Variants in AFTPH observed in about 807,000 individuals in gnomAD.
AFTPH encodes the protein aftiphilin, also known as aftiphilin protein.
AFTPH carries 7 observed loss-of-function variants against 72.5 expected under a neutral mutation model. That is an observed-to-expected ratio of 0.10 (90% CI 0.05 to 0.18). AFTPH has a LOEUF of 0.18. AFTPH is among the 10% of genes least tolerant of loss of function. The pLI, the probability that AFTPH is intolerant of heterozygous loss-of-function variation, is 1.00. For synonymous variants in AFTPH, 337 were observed against 370.1 expected (o/e 0.91, Z 1.03); for missense variants, 979 against 1,060.5 (o/e 0.92, Z 1.07).
chr2:64,549,338 T>G (rs983462688), intron 1 of AFTPH, among the ~76,000 whole-genome samples: 25 of 93,740 alleles, frequency 2.7e-4, no homozygotes, highest in Admixed American at 9.9e-4. Context: ...TTTTTTTTTT[T>G]GAAACCGAGT....
exon 4 of AFTPH, chr2:64,569,113 T>G: frequency 6.2e-7 from 1 of 1,614,104 alleles, no homozygotes; most frequent in Non-Finnish European, 8.5e-7. Flanking sequence ...ATGTGTGGAC[T>G]GAGCTACAGG....
At chr2:64,527,910 T>G (rs752608655) in intron 1 of AFTPH, among the ~76,000 whole-genome samples, 7 of 152,174 alleles carry the variant, frequency 4.6e-5, no homozygotes, top group Non-Finnish European at 8.8e-5. Context: ...GTCTGTGGAT[T>G]AGACCTATTC....
chr2:64,581,403 A>G, intron 7 of AFTPH, 130 bp downstream of exon 8: 1 of 696,554 alleles, frequency 1.4e-6, no homozygotes, highest in South Asian at 2.7e-5. Flanking sequence ...CTTTTCTTTC[A>G]TCTGTTGTTA....
At chr2:64,525,176 T>G (rs544245990) in intron 1 of AFTPH, among the ~76,000 whole-genome samples, 1 of 152,308 alleles carries the variant, frequency 6.6e-6, no homozygotes, top group African/African-American at 2.4e-5. Flanking sequence ...AGAGTACCTT[T>G]TCTGCTGTCT....
At chr2:64,546,677 C>G (rs1313374929) in intron 1 of AFTPH, among the ~76,000 whole-genome samples, 3 of 152,110 alleles carry the variant, frequency 2.0e-5, no homozygotes, top group African/African-American at 7.2e-5. Flanking sequence ...GATGCCCCAT[C>G]ACTACCAAAT....
chr2:64,567,886 C>G (rs1672179889), intron 3 of AFTPH, among the ~76,000 whole-genome samples, 173 bp downstream of exon 3: 1 of 134,184 alleles, frequency 7.5e-6, no homozygotes, highest in South Asian at 2.5e-4. Flanking sequence ...ACTAAAAATA[C>G]AGAAAATTAG....
At chr2:64,582,219 C>G (rs1673248433) in intron 7 of AFTPH, among the ~76,000 whole-genome samples, 1 of 152,182 alleles carries the variant, frequency 6.6e-6, no homozygotes, top group Non-Finnish European at 1.5e-5. Context: ...CACAACTAGC[C>G]TGGTTCCTGA....
intron 2 of AFTPH, among the ~76,000 whole-genome samples, chr2:64,555,555 TCACACACACACACACACA>T (rs111905151): frequency 1.6e-4 from 23 of 140,870 alleles, no homozygotes; most frequent in Middle Eastern, 3.6e-3. Context: ...AGAGAGACTG[TCACACACACACACACACA>T]CACACACACA....
At chr2:64,546,448 GAATTT>G (rs1304698671) in intron 1 of AFTPH, among the ~76,000 whole-genome samples, 2 of 152,004 alleles carry the variant, frequency 1.3e-5, no homozygotes, top group Non-Finnish European at 2.9e-5. Context: ...ATTGGGTGAG[GAATTT>G]AATTAAGGAC....
intron 1 of AFTPH, among the ~76,000 whole-genome samples, chr2:64,532,347 A>G (rs1669674071): frequency 6.6e-6 from 1 of 152,214 alleles, no homozygotes; most frequent in Admixed American, 6.5e-5. Context: ...TTTTTTTAAA[A>G]AAATCTTTAT....
intron 2 of AFTPH, among the ~76,000 whole-genome samples, chr2:64,561,666 G>A (rs1199691995): frequency 6.6e-6 from 1 of 152,108 alleles, no homozygotes; most frequent in East Asian, 1.9e-4. Context: ...ATGAGCGAGT[G>A]AGACCATCTC....
chr2:64,550,731 A>AC (rs1491549278), intron 1 of AFTPH, among the ~76,000 whole-genome samples: 29 of 146,908 alleles, frequency 2.0e-4, no homozygotes, highest in South Asian at 1.1e-3. Flanking sequence ...ACACACACAC[A>AC]ACTGGTGAAA....
exon 2 of AFTPH, chr2:64,551,742 A>G (rs1671060349): frequency 3.1e-6 from 5 of 1,613,632 alleles, no homozygotes; most frequent in Non-Finnish European, 4.2e-6. Flanking sequence ...TGGTAATGAT[A>G]AGGACATCAC....
At chr2:64,561,545 G>T (rs1671745046) in intron 2 of AFTPH, among the ~76,000 whole-genome samples, 1 of 152,120 alleles carries the variant, frequency 6.6e-6, no homozygotes, top group Admixed American at 6.6e-5. Flanking sequence ...AGCCAGGCCT[G>T]GTGGTGTTCA....
rs1168565871 is a variant in AFTPH, at chr2:64,544,344, G to A, written c.-32-7099G>A. On this transcript the variant is annotated intron_variant, in intron 1 of 8. Coordinates refer to ENST00000238856, the Ensembl canonical transcript of AFTPH. ...ATACAGTGGCTTGCAAGACAATAGC[G>A]GCATTATTTATTTGCTCCCCTCTAA... Among the ~76,000 whole-genome samples the A allele has an allele frequency of 5.3e-5, 8 of 152,054 alleles. No individual in the cohort carries two copies. In the South Asian group the frequency reaches 6.2e-4, roughly 12 times the overall value.
At chr2:64,570,197 C>G (rs1291421641) in intron 5 of AFTPH, among the ~76,000 whole-genome samples, 4 of 152,062 alleles carry the variant, frequency 2.6e-5, no homozygotes, top group African/African-American at 4.8e-5. Context: ...GCCAGGTAGT[C>G]CCGGAAAACT....
chr2:64,575,022 C>G (rs756597291), intron 6 of AFTPH, among the ~76,000 whole-genome samples: 1 of 152,240 alleles, frequency 6.6e-6, no homozygotes, highest in South Asian at 2.1e-4. Context: ...CTTATTGAGA[C>G]CATTTGTTGC....
At chr2:64,587,578 C>T (rs551252407) in intron 8 of AFTPH, among the ~76,000 whole-genome samples, 2 of 152,218 alleles carry the variant, frequency 1.3e-5, no homozygotes, top group African/African-American at 4.8e-5. Flanking sequence ...TGCCAATAAG[C>T]AGAAGATAAA....
chr2:64,558,004 T>C (rs1403582157), intron 2 of AFTPH, among the ~76,000 whole-genome samples: 1 of 152,204 alleles, frequency 6.6e-6, no homozygotes, highest in Non-Finnish European at 1.5e-5. Flanking sequence ...AAATTGGGGA[T>C]TGGTAAGTAT....
Sources: gnomAD v4.1 joint callset for allele counts (sites outside exome capture counted in the v4.1 genomes callset) on GRCh38, gnomAD v4.1.1 for gene constraint, MANE v1.5 for transcripts, NCBI Gene and HGNC (gene_info 2026-07-23, HGNC 2026-07-21) for gene names.